The following TRAF3IP2 variants were observed in gnomAD, a reference collection of about 807,000 sequenced individuals.
TRAF3IP2 encodes the protein TRAF3 interacting protein 2, also known as E3 ubiquitin ligase TRAF3IP2.
In TRAF3IP2, 35 loss-of-function variants were observed where a neutral mutation model predicts 57.9. The observed-to-expected ratio is 0.60, with a 90% CI of 0.46 to 0.80. TRAF3IP2 has a LOEUF of 0.80. Among genes scored for constraint, TRAF3IP2 ranks in the 30% least tolerant of loss-of-function variants. The probability of loss-of-function intolerance (pLI) is 0.00; values close to 1 mark genes in which losing one functional copy is unlikely to be tolerated. For missense variants in TRAF3IP2, 556 were observed against 706.4 expected (o/e 0.79, Z 2.41); for synonymous variants, 251 against 268.9 (o/e 0.93, Z 0.65).
chr6:111,599,688 C>T (rs183505109), intron 1 of TRAF3IP2, among the ~76,000 whole-genome samples: 3 of 152,312 alleles, frequency 2.0e-5, no homozygotes, highest in African/African-American at 4.8e-5. Flanking sequence ...GTCTTCACAG[C>T]GCTACCTTTC....
At position 111,595,789 on chromosome 6, in the gene TRAF3IP2, C is replaced by CT. The variant is rs1382236148; in HGVS notation, c.-8-3696dup. On this transcript the variant is annotated intron_variant, in intron 1 of 8. Coordinates refer to ENST00000368761, the MANE Select transcript of TRAF3IP2 (RefSeq NM_147686.4). ...GTTGCGGTGAGCCGAGATCGTGCCACTGCACTCCAGCCTGGGTGACACAGC... is the reference window on the plus strand; with the variant it reads ...GTTGCGGTGAGCCGAGATCGTGCCACTTGCACTCCAGCCTGGGTGACACAGC... 8.0e-5 allele frequency among the ~76,000 whole-genome samples: 12 copies of CT among 149,798 alleles called. 1 individual carries two copies. In the South Asian group the frequency reaches 1.9e-3, roughly 24 times the overall value.
At chr6:111,585,808 A>G (rs1329773226) in intron 2 of TRAF3IP2, among the ~76,000 whole-genome samples, 1 of 152,226 alleles carries the variant, frequency 6.6e-6, no homozygotes, top group East Asian at 1.9e-4. Context: ...ATCACAAAGC[A>G]AAAATGAAAA....
At position 111,600,972 on chromosome 6, in the gene TRAF3IP2, C is replaced by T. The variant is rs1043174496; in HGVS notation, c.-9+4804G>A. 5 of 414,182 alleles carry T rather than the reference C, an allele frequency of 1.2e-5. No homozygotes were observed. The Admixed American group carries it at 1.6e-4, about 13-fold the overall frequency. 25.7% of individuals were successfully genotyped at this position (414,182 alleles called of 1,614,324 possible). A position where few individuals can be genotyped will look rare whatever the true frequency, so the allele number is the denominator to read the frequency against. ...AGACTCATTTTACAGACAGGAAAAG[C>T]AAGGCATAGAGAAGGTAAGTAACTT... On this transcript the variant is annotated intron_variant, in intron 1 of 8. Coordinates refer to ENST00000368761, the MANE Select transcript of TRAF3IP2 (RefSeq NM_147686.4).
chr6:111,584,188 CACA>C (rs1414481947), intron 2 of TRAF3IP2, among the ~76,000 whole-genome samples: 1 of 152,170 alleles, frequency 6.6e-6, no homozygotes. Flanking sequence ...TTATTTCCCT[CACA>C]ACATGTCTTT....
intron 6 of TRAF3IP2, chr6:111,567,284 C>T (rs1795683656): frequency 4.8e-6 from 5 of 1,048,252 alleles, no homozygotes; most frequent in Non-Finnish European, 4.6e-6. Context: ...TTCTACAAAA[C>T]ACTTGGGGTG....
Position 111,586,855 on chromosome 6 carries a change from G to A in TRAF3IP2, c.829+4403C>T, listed in dbSNP as rs144098285. On this transcript the variant is annotated intron_variant, in intron 2 of 8. Coordinates refer to ENST00000368761, the MANE Select transcript of TRAF3IP2 (RefSeq NM_147686.4). ...CAGTGAGTGGGATCTGGAAGTAGAG[G>A]AGCACCCTGCAGAACTGGGCTACAG... The A allele has an allele frequency of 2.2e-4, 34 of 152,272 alleles. No homozygotes were observed. In the East Asian group the frequency reaches 3.9e-3, roughly 17 times the overall value. The allele number at this position is 152,272 out of a possible 1,614,324, so 9.4% of individuals were successfully genotyped here.
At chr6:111,567,755 A>T in intron 5 of TRAF3IP2, 63 bp from the exon 6 acceptor site, 2 of 1,346,242 alleles carry the variant, frequency 1.5e-6, no homozygotes, top group Non-Finnish European at 1.0e-6. Flanking sequence ...TGCAGAGCAG[A>T]AGAAAACACA....
chr6:111,577,692 T>C (rs997931099), intron 3 of TRAF3IP2, among the ~76,000 whole-genome samples: 7 of 151,630 alleles, frequency 4.6e-5, no homozygotes, highest in African/African-American at 1.7e-4. Context: ...TGGGTTTGTG[T>C]GTATGTGTGT....
rs184682869 is a variant in TRAF3IP2 at position 111,571,269 on chromosome 6, G to T, written c.1290+1626C>A. Among the ~76,000 whole-genome samples, 236 of 152,120 alleles carry T rather than the reference G, an allele frequency of 1.6e-3. 1 individual carries two copies. Among genetic ancestry groups the T allele is most frequent in the Non-Finnish European group, 2.9e-3 (198 of 68,000 alleles). ...TTTTTTGTATTTTTTGTAGAGATAG[G>T]GTTTCACTATGTTGTCCAGGCTGGT... On this transcript the variant is annotated intron_variant, in intron 5 of 8. Coordinates refer to ENST00000368761, the MANE Select transcript of TRAF3IP2 (RefSeq NM_147686.4).
rs1795959988 is a variant in TRAF3IP2 at position 111,575,630 on chromosome 6, G to A, written c.1201+13C>T. On this transcript the variant is annotated intron_variant, in intron 4 of 8. Transcript: ENST00000368761. ...AAAAGAGGAAGGAGAGAACAATGTT[G>A]CAAACAACTTACGCAATTCTTCTGG... is the stretch of plus-strand genomic sequence containing the variant. The A allele has an allele frequency of 6.3e-7, 1 of 1,588,218 alleles. No homozygotes were observed. The highest frequency in any genetic ancestry group is 1.4e-5 in the African/African-American group (1 of 73,198).
chr6:111,592,651 G>A (rs1252859217), intron 1 of TRAF3IP2, among the ~76,000 whole-genome samples: 1 of 152,174 alleles, frequency 6.6e-6, no homozygotes, highest in Admixed American at 6.5e-5. Context: ...GGTTGCCTTT[G>A]AGGATGGAAT....
intron 7 of TRAF3IP2, among the ~76,000 whole-genome samples, chr6:111,564,202 T>G (rs749077699): frequency 2.6e-5 from 4 of 151,490 alleles, no homozygotes; most frequent in Admixed American, 6.6e-5. Context: ...CACACACAAA[T>G]CCTCCACAAG....
intron 2 of TRAF3IP2, among the ~76,000 whole-genome samples, chr6:111,589,136 C>T (rs1438020541): frequency 6.9e-6 from 1 of 145,770 alleles, no homozygotes; most frequent in Non-Finnish European, 1.5e-5. Context: ...TCTCGGCTCA[C>T]TGTAACCTCT....
At chr6:111,572,388 C>T (rs982316169) in intron 5 of TRAF3IP2, among the ~76,000 whole-genome samples, 14 of 152,108 alleles carry the variant, frequency 9.2e-5, no homozygotes, top group African/African-American at 3.1e-4. Context: ...AGCATCACTG[C>T]GTCAAGGTAT....
At chr6:111,567,725 A>T in intron 5 of TRAF3IP2, 33 bp from the exon 6 acceptor site, 1 of 1,563,194 alleles carries the variant, frequency 6.4e-7, no homozygotes, top group Non-Finnish European at 8.7e-7. Flanking sequence ...GTTGGCCCTT[A>T]ATGAGAGGTT....
At chr6:111,561,193 AC>A (rs1163091471) in intron 8 of TRAF3IP2, among the ~76,000 whole-genome samples, 1 of 148,616 alleles carries the variant, frequency 6.7e-6, no homozygotes. Flanking sequence ...AAAAAAAAAA[AC>A]ACTTTGGGAG....
chr6:111,605,401 C>A (rs1796988401), intron 1 of TRAF3IP2, among the ~76,000 whole-genome samples: 1 of 152,232 alleles, frequency 6.6e-6, no homozygotes, highest in African/African-American at 2.4e-5. Context: ...TTAATCTTTG[C>A]CATCCCTGGC....
Position 111,587,558 on chromosome 6 carries a change from T to C in TRAF3IP2, c.829+3700A>G, listed in dbSNP as rs1221721948. On this transcript the variant is annotated intron_variant, in intron 2 of 8. Transcript: ENST00000368761. ...GTGTGAGCCACTGCACCCGGCCGTT[T>C]GCTATTTTTAAAAATCAACAAAAGT... 2.0e-5 allele frequency among the ~76,000 whole-genome samples: 3 copies of C among 152,176 alleles called. No homozygotes were observed. The East Asian group carries it at 5.8e-4, about 29-fold the overall frequency.
At chr6:111,573,863 G>A (rs1438411004) in intron 4 of TRAF3IP2, 1 of 152,184 alleles carries the variant, frequency 6.6e-6, no homozygotes, top group Non-Finnish European at 1.5e-5. Flanking sequence ...GGAGAAGAAA[G>A]GGGGGCTGGA....
Sources: allele counts gnomAD v4.1 joint callset (sites outside exome capture counted in the v4.1 genomes callset), GRCh38; gene constraint gnomAD v4.1.1; transcripts MANE v1.5; gene names NCBI Gene and HGNC (gene_info 2026-07-23, HGNC 2026-07-21).